UNC79: variants seen among roughly 807,000 people sequenced by gnomAD.
UNC79 encodes unc-79 subunit of NALCN channel complex.
Under a neutral mutation model 283.1 loss-of-function variants are expected in UNC79, and 37 were observed. The observed-to-expected ratio is 0.13, with a 90% CI of 0.10 to 0.17. The LOEUF is 0.17. Among genes scored for constraint, UNC79 ranks in the 10% least tolerant of loss-of-function variants. The pLI, the probability that UNC79 is intolerant of heterozygous loss-of-function variation, is 1.00. For missense variants in UNC79, 2,272 were observed against 3,211.1 expected (o/e 0.71, Z 7.07); for synonymous variants, 1,107 against 1,200.2 (o/e 0.92, Z 1.61).
chr14:93,371,946 C>T (rs1264680057), intron 1 of UNC79, among the ~76,000 whole-genome samples: 1 of 152,052 alleles, frequency 6.6e-6, no homozygotes, highest in African/African-American at 2.4e-5. Context: ...CCTATAACCT[C>T]GAATCCCATA....
chr14:93,528,141 G>A (rs1342190523), intron 8 of UNC79, among the ~76,000 whole-genome samples: 1 of 152,190 alleles, frequency 6.6e-6, no homozygotes, highest in African/African-American at 2.4e-5. Flanking sequence ...TTTGGTATCA[G>A]TTATGATTCT....
intron 1 of UNC79, among the ~76,000 whole-genome samples, chr14:93,457,462 C>G (rs1372133393): frequency 6.6e-6 from 1 of 152,114 alleles, no homozygotes; most frequent in African/African-American, 2.4e-5. Context: ...TAGGAGTTAG[C>G]CAGGCAAAGA....
Position 93,430,750 on chromosome 14 carries a change from T to G in UNC79, c.-280T>G. On this transcript the variant is annotated 5_prime_UTR_variant, in exon 1 of 49. Transcript: ENST00000555664. The surrounding 1 kb of genome is among the most constrained non-coding windows in gnomAD (Gnocchi z 4.6). ...TCTCCTTTCGGTCTCCCCGCCCACA[T>G]CAACGCGGGCAGCTCCAGGAGGGGA... 2.8e-6 allele frequency: 1 copy of G among 361,988 alleles called. No homozygotes were observed. The highest frequency in any genetic ancestry group is 5.5e-5 in the East Asian group (1 of 18,276). The allele number at this position is 361,988 out of a possible 1,614,324, so 22.4% of individuals were successfully genotyped here.
chr14:93,347,996 T>C (rs1298300414), intron 1 of UNC79: 3 of 1,361,234 alleles, frequency 2.2e-6, no homozygotes, highest in African/African-American at 2.9e-5. Flanking sequence ...TAGGAAGCCA[T>C]ACTCAGCAGC....
At chr14:93,692,512 A>G (rs1165981272) in intron 46 of UNC79, among the ~76,000 whole-genome samples, 1 of 152,232 alleles carries the variant, frequency 6.6e-6, no homozygotes, top group Admixed American at 6.5e-5. Context: ...TTGCAAAGCA[A>G]TTTAGAAAAA....
chr14:93,656,842 A>G (rs569586687), intron 38 of UNC79, among the ~76,000 whole-genome samples: 1 of 152,352 alleles, frequency 6.6e-6, no homozygotes, highest in South Asian at 2.1e-4. Flanking sequence ...TGTTTCAAAA[A>G]TATAAGATAA....
intron 8 of UNC79, 73 bp downstream of exon 8, chr14:93,524,115 G>T (rs1381634243): frequency 1.3e-6 from 2 of 1,519,146 alleles, no homozygotes; most frequent in Admixed American, 1.7e-5. Flanking sequence ...GGAGTAGATT[G>T]CATCCTTCTC....
chr14:93,523,939 T>C (rs772141412), intron 7 of UNC79, 39 bp from the exon 8 acceptor site: 1 of 1,600,602 alleles, frequency 6.2e-7, no homozygotes, highest in South Asian at 1.1e-5. Context: ...ATGAATAATT[T>C]CAATGAGAAG....
chr14:93,575,316 C>T (rs117563979), intron 17 of UNC79, 118 bp downstream of exon 17: 492 of 1,259,206 alleles, frequency 3.9e-4, no homozygotes, highest in Non-Finnish European at 5.3e-4. Flanking sequence ...CAGCCCATCT[C>T]GCTGTGTTCA....
At chr14:93,629,803 A>G (rs960075258) in intron 30 of UNC79, among the ~76,000 whole-genome samples, 13 of 152,266 alleles carry the variant, frequency 8.5e-5, no homozygotes, top group African/African-American at 3.1e-4. Flanking sequence ...TAAGCTTAAG[A>G]ACTTGAAGCC....
chr14:93,642,071 T>C (rs1299922364), intron 33 of UNC79, among the ~76,000 whole-genome samples: 1 of 151,956 alleles, frequency 6.6e-6, no homozygotes, highest in African/African-American at 2.4e-5. Context: ...AATTACCTAG[T>C]CTTGGGTATG....
At chr14:93,355,433 G>A (rs1480664261) in intron 1 of UNC79, among the ~76,000 whole-genome samples, 2 of 152,100 alleles carry the variant, frequency 1.3e-5, no homozygotes, top group Admixed American at 6.5e-5. Context: ...ACTTGACCTC[G>A]TGATCGGCCT....
At chr14:93,650,839 G>C (rs1381043880) in intron 35 of UNC79, among the ~76,000 whole-genome samples, 2 of 151,942 alleles carry the variant, frequency 1.3e-5, no homozygotes, top group Non-Finnish European at 2.9e-5. Flanking sequence ...CTTTTTATTT[G>C]TCTAAGAAAC....
chr14:93,603,603 G>C (rs2065669935), intron 26 of UNC79, among the ~76,000 whole-genome samples, 185 bp downstream of exon 26: 2 of 152,182 alleles, frequency 1.3e-5, no homozygotes, highest in African/African-American at 4.8e-5. Flanking sequence ...GCTTTTCCTA[G>C]TTTGCTGGGG....
At chr14:93,436,904 C>T (rs1432967659) in intron 1 of UNC79, among the ~76,000 whole-genome samples, 1 of 152,100 alleles carries the variant, frequency 6.6e-6, no homozygotes, top group East Asian at 1.9e-4. Context: ...TTACCAACAG[C>T]ATACAGCTTA....
intron 1 of UNC79, among the ~76,000 whole-genome samples, chr14:93,444,351 T>TTTGAAACA (rs1292697387): frequency 6.6e-6 from 1 of 152,200 alleles, no homozygotes; most frequent in Non-Finnish European, 1.5e-5. Context: ...AGTTCATTGT[T>TTTGAAACA]TTGAAACATT....
intron 26 of UNC79, 108 bp downstream of exon 26, chr14:93,603,526 T>G: frequency 1.5e-6 from 2 of 1,330,948 alleles, no homozygotes; most frequent in South Asian, 1.5e-5. Flanking sequence ...GCAAACTGAG[T>G]TTGTTCAATA....
chr14:93,351,093 T>C (rs2053972992), intron 1 of UNC79, among the ~76,000 whole-genome samples: 2 of 152,218 alleles, frequency 1.3e-5, no homozygotes, highest in South Asian at 4.1e-4. Flanking sequence ...GGGTTATCTT[T>C]AGATAAAGCC....
intron 30 of UNC79, among the ~76,000 whole-genome samples, chr14:93,630,523 G>C (rs2067941151): frequency 6.6e-6 from 1 of 152,224 alleles, no homozygotes; most frequent in African/African-American, 2.4e-5. Flanking sequence ...GAATTTGTTT[G>C]GGGATATGCA....
Sources: allele counts gnomAD v4.1 joint callset (sites outside exome capture counted in the v4.1 genomes callset), GRCh38; gene constraint gnomAD v4.1.1; non-coding constraint Gnocchi (gnomAD v3.1); transcripts MANE v1.5; gene names NCBI Gene and HGNC (gene_info 2026-07-23, HGNC 2026-07-21).